The following GNG4 variants were observed in gnomAD, a reference collection of about 807,000 sequenced individuals.
GNG4 encodes the protein G protein subunit gamma 4, also known as guanine nucleotide-binding protein G(I)/G(S)/G(O) subunit gamma-4.
In GNG4, 4 loss-of-function variants were observed where a neutral mutation model predicts 5.8. The observed-to-expected ratio is 0.69, with a 90% CI of 0.34 to 1.57. The LOEUF is 1.57. GNG4 is among the 40% of genes most tolerant of loss of function. The pLI is 0.06. For synonymous variants in GNG4, 29 were observed against 32.9 expected, an observed-to-expected ratio of 0.88 and a Z score of 0.41; for missense variants, 96 against 95.1, an observed-to-expected ratio of 1.01 and a Z score of -0.04.
intron 3 of GNG4, among the ~76,000 whole-genome samples, chr1:235,554,210 C>A (rs927806737): frequency 2.0e-5 from 3 of 152,100 alleles, no homozygotes; most frequent in African/African-American, 7.2e-5. Context: ...GGAGATTGAG[C>A]CCTCCCTTGC....
At chr1:235,638,595 A>G (rs10754711) in intron 1 of GNG4, among the ~76,000 whole-genome samples, 79,887 of 151,524 alleles carry the variant, frequency 0.53, 23,474 homozygotes, top group East Asian at 0.85. Context: ...CTATCAACCC[A>G]TCATCTAGGT....
intron 1 of GNG4, among the ~76,000 whole-genome samples, chr1:235,607,105 ATT>A (rs1003724975): frequency 6.6e-6 from 1 of 150,790 alleles, no homozygotes; most frequent in Admixed American, 6.6e-5. Flanking sequence ...CACCCAGCTA[ATT>A]TTTTTTTATT....
At chr1:235,645,464 T>C (rs1657477653) in intron 1 of GNG4, among the ~76,000 whole-genome samples, 1 of 152,178 alleles carries the variant, frequency 6.6e-6, no homozygotes, top group Non-Finnish European at 1.5e-5. Flanking sequence ...TGGAGGAACA[T>C]GTAAACACTT....
chr1:235,548,124 G>A lies in GNG4; in HGVS notation c.*3985C>T, dbSNP rs1270997521. 4 of 152,158 alleles carry A rather than the reference G, an allele frequency of 2.6e-5. No homozygotes were observed. Among genetic ancestry groups the A allele is most frequent in the East Asian group, 1.9e-4 (1 of 5,192 alleles). The allele number at this position is 152,158 out of a possible 1,614,324, so 9.4% of individuals were successfully genotyped here. ...CCTGTTCGGGGTTATTATGGAGAGT[G>A]TTTTTGTGAAGATTTAGAGCATGTC... On this transcript the variant is annotated 3_prime_UTR_variant, in exon 4 of 4. Coordinates refer to ENST00000391854, the MANE Select transcript of GNG4 (RefSeq NM_001098722.2).
intron 1 of GNG4, among the ~76,000 whole-genome samples, chr1:235,604,507 T>C (rs1054023588): frequency 6.6e-6 from 1 of 152,214 alleles, no homozygotes; most frequent in African/African-American, 2.4e-5. Flanking sequence ...AGAAAATCCT[T>C]CTTCCTCATC....
chr1:235,577,103 C>T (rs1269053499), intron 3 of GNG4, among the ~76,000 whole-genome samples: 1 of 152,180 alleles, frequency 6.6e-6, no homozygotes, highest in African/African-American at 2.4e-5. Flanking sequence ...TTCCTTCCTT[C>T]CTCCTTAGAA....
intron 1 of GNG4, among the ~76,000 whole-genome samples, chr1:235,610,987 C>T (rs1688465592): frequency 6.6e-6 from 1 of 152,188 alleles, no homozygotes; most frequent in African/African-American, 2.4e-5. Flanking sequence ...ACGCAGGAGG[C>T]TGAGGCAGGA....
In GNG4 at chr1:235,564,104, G is replaced by T. The variant is rs560603409; in HGVS notation, c.100-11867C>A. 6.6e-5 allele frequency among the ~76,000 whole-genome samples: 10 copies of T among 152,292 alleles called. No individual in the cohort carries two copies. In the South Asian group the frequency reaches 2.1e-3, roughly 32 times the overall value. The stretch of plus-strand genomic sequence containing the variant: ...TGCAGCTATAAAAATGAATGAAATT[G>T]TGTCCTTTGCAGCAGTATGAATACA... On this transcript the variant is annotated intron_variant, in intron 3 of 3. Transcript: ENST00000391854.
intron 1 of GNG4, among the ~76,000 whole-genome samples, chr1:235,601,300 G>C (rs977817052): frequency 6.6e-6 from 1 of 152,150 alleles, no homozygotes; most frequent in Admixed American, 6.6e-5. Context: ...AGTGGTGCTC[G>C]GCTTTGAGGC....
intron 1 of GNG4, among the ~76,000 whole-genome samples, chr1:235,608,077 A>G (rs917602804): frequency 6.6e-6 from 1 of 151,876 alleles, no homozygotes; most frequent in African/African-American, 2.4e-5. Context: ...TGCTGGGACT[A>G]CAGGCGCACG....
chr1:235,612,236 G>A (rs571885519), intron 1 of GNG4, among the ~76,000 whole-genome samples: 69 of 152,284 alleles, frequency 4.5e-4, no homozygotes, highest in African/African-American at 1.5e-3. Context: ...ATGACAGAAC[G>A]TGCTCCGATC....
intron 3 of GNG4, among the ~76,000 whole-genome samples, chr1:235,567,832 T>A (rs888850933): frequency 6.6e-6 from 1 of 152,216 alleles, no homozygotes; most frequent in Non-Finnish European, 1.5e-5. Context: ...TCATAGGTGA[T>A]ACATGGATTG....
At chr1:235,636,528 A>G (rs59962067) in intron 1 of GNG4, among the ~76,000 whole-genome samples, 86,451 of 151,382 alleles carry the variant, frequency 0.57, 25,660 homozygotes, top group East Asian at 0.85. Context: ...GGCCACGCAG[A>G]GGCACGGTGC....
At chr1:235,629,487 C>G in intron 1 of GNG4, among the ~76,000 whole-genome samples, 1 of 152,114 alleles carries the variant, frequency 6.6e-6, no homozygotes, top group East Asian at 1.9e-4. Flanking sequence ...TCTACTTTAC[C>G]CCTCCTTGAC....
At chr1:235,636,775 G>A (rs1689047754) in intron 1 of GNG4, among the ~76,000 whole-genome samples, 1 of 152,140 alleles carries the variant, frequency 6.6e-6, no homozygotes, top group Non-Finnish European at 1.5e-5. Context: ...GTACCTGGGA[G>A]GGACACATCG....
chr1:235,554,845 CAA>C (rs34093722), intron 3 of GNG4, among the ~76,000 whole-genome samples: 106 of 84,402 alleles, frequency 1.3e-3, no homozygotes, highest in South Asian at 1.7e-3. Flanking sequence ...AACTCCATCT[CAA>C]AAAAAAAAAA....
chr1:235,581,978 T>C (rs1687648463), intron 3 of GNG4, among the ~76,000 whole-genome samples: 1 of 152,244 alleles, frequency 6.6e-6, no homozygotes, highest in South Asian at 2.1e-4. Context: ...AACTGCCTTA[T>C]AGCCCAAACT....
intron 1 of GNG4, among the ~76,000 whole-genome samples, chr1:235,617,831 G>A (rs1426555465): frequency 1.3e-5 from 2 of 150,788 alleles, no homozygotes; most frequent in Non-Finnish European, 2.9e-5. Context: ...GTTGCAGTGA[G>A]CTGAGATTGT....
chr1:235,637,532 A>C (rs961867656), intron 1 of GNG4, among the ~76,000 whole-genome samples: 1 of 152,086 alleles, frequency 6.6e-6, no homozygotes, highest in African/African-American at 2.4e-5. Context: ...GCGTGCCTGC[A>C]ATACCAGCTA....
Sources: gnomAD v4.1 joint callset for allele counts (sites outside exome capture counted in the v4.1 genomes callset) on GRCh38, gnomAD v4.1.1 for gene constraint, MANE v1.5 for transcripts, NCBI Gene and HGNC (gene_info 2026-07-23, HGNC 2026-07-21) for gene names.